ECT2: variants seen among roughly 807,000 people sequenced by gnomAD.
The protein encoded by ECT2 is protein ECT2.
Under a neutral mutation model 116.9 loss-of-function variants are expected in ECT2, and 61 were observed. That is an observed-to-expected ratio of 0.52 (90% CI 0.42 to 0.65). ECT2 has a LOEUF of 0.65. Ranked by LOEUF, ECT2 falls within the 30% of genes least tolerant of loss-of-function variation. ECT2 has a pLI of 0.00. For synonymous variants in ECT2, 358 were observed against 346.4 expected (o/e 1.03, Z -0.37); for missense variants, 937 against 1,078.7 (o/e 0.87, Z 1.84).
At chr3:172,762,348 G>A in intron 8 of ECT2, 68 bp from the exon 9 acceptor site, 1 of 1,467,612 alleles carries the variant, frequency 6.8e-7, no homozygotes, top group Non-Finnish European at 9.2e-7. Flanking sequence ...CTGTAGGTTT[G>A]TAAATTGATA....
intron 20 of ECT2, 89 bp downstream of exon 20, chr3:172,803,069 T>TG: frequency 1.6e-6 from 2 of 1,219,634 alleles, no homozygotes; most frequent in Non-Finnish European, 2.2e-6. Flanking sequence ...TGAAGAGTAA[T>TG]GTAGAATTTT....
chr3:172,817,736 T>G (rs1009220735), intron 24 of ECT2, among the ~76,000 whole-genome samples: 9 of 152,136 alleles, frequency 5.9e-5, no homozygotes, highest in African/African-American at 1.9e-4. Flanking sequence ...TATAAAATTA[T>G]TAACCTACTG....
chr3:172,825,545 T>C (rs1317521377), downstream of ECT2, among the ~76,000 whole-genome samples: 1 of 152,190 alleles, frequency 6.6e-6, no homozygotes. Flanking sequence ...AACAGACTTA[T>C]TGCTGATACG....
intron 12 of ECT2, among the ~76,000 whole-genome samples, chr3:172,767,366 G>A (rs981668095): frequency 1.3e-5 from 2 of 152,078 alleles, no homozygotes; most frequent in African/African-American, 4.8e-5. Flanking sequence ...ACTTGAACCC[G>A]GGAAGTGGAC....
At chr3:172,762,124 C>T (rs1408147484) in intron 8 of ECT2, among the ~76,000 whole-genome samples, 1 of 152,062 alleles carries the variant, frequency 6.6e-6, no homozygotes. Context: ...TTTTAGATTT[C>T]ATGAAAGCCT....
chr3:172,766,057 G>T (rs1163006090), intron 12 of ECT2, among the ~76,000 whole-genome samples: 1 of 152,142 alleles, frequency 6.6e-6, no homozygotes, highest in Non-Finnish European at 1.5e-5. Context: ...CTTCAAATAA[G>T]TAATCTTTAA....
chr3:172,777,538 C>T (rs1721964211), intron 14 of ECT2, among the ~76,000 whole-genome samples: 1 of 152,158 alleles, frequency 6.6e-6, no homozygotes, highest in Non-Finnish European at 1.5e-5. Context: ...TTATATACAT[C>T]TCTCTCTTTT....
At chr3:172,767,589 T>A (rs1227316564) in intron 12 of ECT2, among the ~76,000 whole-genome samples, 1 of 152,218 alleles carries the variant, frequency 6.6e-6, no homozygotes, top group Non-Finnish European at 1.5e-5. Context: ...ACATTCCTTT[T>A]CCTGTTGAAA....
chr3:172,823,768 A>G (rs937172336), downstream of ECT2, among the ~76,000 whole-genome samples: 1 of 152,168 alleles, frequency 6.6e-6, no homozygotes. Context: ...AAAAAAAGTT[A>G]AAGATCATCA....
At chr3:172,788,773 T>C (rs1452179184) in intron 18 of ECT2, among the ~76,000 whole-genome samples, 1 of 152,208 alleles carries the variant, frequency 6.6e-6, no homozygotes, top group Non-Finnish European at 1.5e-5. Flanking sequence ...TAAAAAATGC[T>C]AACAGGCAGG....
intron 22 of ECT2, among the ~76,000 whole-genome samples, chr3:172,811,537 GA>G (rs1205680251): frequency 6.6e-6 from 1 of 152,090 alleles, no homozygotes; most frequent in Non-Finnish European, 1.5e-5. Flanking sequence ...TTCATTGAGA[GA>G]AAGCATGAAG....
intron 14 of ECT2, among the ~76,000 whole-genome samples, chr3:172,777,407 T>C (rs1335323546): frequency 6.6e-6 from 1 of 152,210 alleles, no homozygotes; most frequent in African/African-American, 2.4e-5. Flanking sequence ...AAATTAAGAC[T>C]AGCACTCACT....
At chr3:172,789,844 C>G (rs563247452) in intron 18 of ECT2, among the ~76,000 whole-genome samples, 1 of 152,174 alleles carries the variant, frequency 6.6e-6, no homozygotes, top group Admixed American at 6.5e-5. Flanking sequence ...CATCTTTAGT[C>G]TCCACTTCTA....
At chr3:172,759,415 T>G (rs6445086) in intron 6 of ECT2, among the ~76,000 whole-genome samples, 89,570 of 152,044 alleles carry the variant, frequency 0.59, 26,996 homozygotes, top group East Asian at 0.86. Context: ...TGTTGCCCTA[T>G]AGAATTCATA....
intron 18 of ECT2, among the ~76,000 whole-genome samples, chr3:172,798,615 A>T (rs751044603): frequency 6.6e-6 from 1 of 152,160 alleles, no homozygotes; most frequent in African/African-American, 2.4e-5. Flanking sequence ...TCTTTATGCA[A>T]ATGTTTTGTT....
At chr3:172,764,532 A>T in intron 12 of ECT2, 32 bp downstream of exon 12, 2 of 1,561,066 alleles carry the variant, frequency 1.3e-6, no homozygotes, top group Non-Finnish European at 1.8e-6. Flanking sequence ...TTGTCTTTAA[A>T]GTTTAGTGGA....
chr3:172,788,813 A>T (rs1724072432), intron 18 of ECT2, among the ~76,000 whole-genome samples: 1 of 152,170 alleles, frequency 6.6e-6, no homozygotes, highest in Non-Finnish European at 1.5e-5. Context: ...TAATCCCAAC[A>T]CTTTGGGAGG....
intron 14 of ECT2, among the ~76,000 whole-genome samples, chr3:172,778,037 C>G (rs1465737075): frequency 6.6e-6 from 1 of 152,158 alleles, no homozygotes; most frequent in Non-Finnish European, 1.5e-5. Context: ...TGTTGGCTTA[C>G]TGTGCAATGA....
intron 14 of ECT2, among the ~76,000 whole-genome samples, chr3:172,780,309 C>T (rs1407442461): frequency 6.6e-6 from 1 of 151,872 alleles, no homozygotes; most frequent in Non-Finnish European, 1.5e-5. Flanking sequence ...AATAATATTC[C>T]ATTATATGGC....
Sources: gnomAD v4.1 joint callset for allele counts (sites outside exome capture counted in the v4.1 genomes callset) on GRCh38, gnomAD v4.1.1 for gene constraint, MANE v1.5 for transcripts, NCBI Gene and HGNC (gene_info 2026-07-23, HGNC 2026-07-21) for gene names.